The following MPP7 variants were observed in gnomAD, a reference collection of about 807,000 sequenced individuals.
The protein encoded by MPP7 is MAGUK p55 scaffold protein 7, also known as MAGUK p55 subfamily member 7.
In MPP7, 60 loss-of-function variants were observed where a neutral mutation model predicts 76.5. The ratio of observed to expected loss-of-function variants is 0.78; its 90% CI spans 0.64 to 0.97. The LOEUF (loss-of-function observed/expected upper bound fraction) is 0.97, where lower values mean the gene tolerates loss of function less well. MPP7 is among the 50% of genes least tolerant of loss of function. MPP7 has a pLI of 0.00. For synonymous variants in MPP7, 237 were observed against 244.5 expected, an observed-to-expected ratio of 0.97 and a Z score of 0.29; for missense variants, 641 against 694.0, an observed-to-expected ratio of 0.92 and a Z score of 0.86.
At chr10:28,091,329 C>A in intron 11 of MPP7, among the ~76,000 whole-genome samples, 1 of 142,926 alleles carries the variant, frequency 7.0e-6, no homozygotes, top group Admixed American at 7.3e-5. Flanking sequence ...CTCTTGTTGT[C>A]CAGGCTAGAG....
At chr10:28,256,144 AT>A (rs1324814766) in intron 1 of MPP7, among the ~76,000 whole-genome samples, 2 of 152,076 alleles carry the variant, frequency 1.3e-5, no homozygotes, top group African/African-American at 2.4e-5. Flanking sequence ...TGGAGAGGGA[AT>A]TTCTAGATAG....
intron 7 of MPP7, 26 bp from the exon 8 acceptor site, chr10:28,124,142 T>A: frequency 6.7e-7 from 1 of 1,485,942 alleles, no homozygotes; most frequent in Non-Finnish European, 9.4e-7. Flanking sequence ...TTTGGTAAAT[T>A]AGCAGTGTTA....
At chr10:28,321,995 C>T (rs1364723143) in intron 2 of MPP7, among the ~76,000 whole-genome samples, 1 of 141,490 alleles carries the variant, frequency 7.1e-6, no homozygotes, top group East Asian at 2.0e-4. Context: ...GTGTGTTTAG[C>T]TGTACAGATA....
At chr10:28,079,793 T>G (rs1342001711) in intron 12 of MPP7, among the ~76,000 whole-genome samples, 5 of 152,114 alleles carry the variant, frequency 3.3e-5, no homozygotes, top group Non-Finnish European at 5.9e-5. Flanking sequence ...AAATAATTAC[T>G]GAAATCAATG....
chr10:28,237,548 T>G (rs1462226644), intron 2 of MPP7, among the ~76,000 whole-genome samples: 2 of 152,152 alleles, frequency 1.3e-5, no homozygotes, highest in Non-Finnish European at 2.9e-5. Flanking sequence ...TAGCAAAGAA[T>G]TATATTTGCA....
At chr10:28,075,165 C>T (rs1362779604) in intron 12 of MPP7, among the ~76,000 whole-genome samples, 4 of 152,094 alleles carry the variant, frequency 2.6e-5, no homozygotes, top group Non-Finnish European at 5.9e-5. Context: ...CTCACTATCA[C>T]GACACAGTAC....
chr10:28,054,304 C>T (rs1851467639), intron 16 of MPP7, 60 bp from the exon 17 acceptor site: 1 of 941,574 alleles, frequency 1.1e-6, no homozygotes, highest in Admixed American at 2.5e-5. Flanking sequence ...CACTTCATAT[C>T]AATGCAAACA....
At chr10:28,110,423 G>A (rs1163731296) in intron 11 of MPP7, among the ~76,000 whole-genome samples, 2 of 152,084 alleles carry the variant, frequency 1.3e-5, no homozygotes, top group Admixed American at 6.5e-5. Flanking sequence ...GATGCCACCT[G>A]ATCCCCCAAA....
chr10:28,296,622 A>G (rs1022048609), intron 1 of MPP7, among the ~76,000 whole-genome samples: 1 of 152,238 alleles, frequency 6.6e-6, no homozygotes, highest in African/African-American at 2.4e-5. Context: ...CAAGCAACCC[A>G]ATCAGTAATA....
chr10:28,152,720 T>C (rs936908352), intron 3 of MPP7, among the ~76,000 whole-genome samples: 2 of 152,188 alleles, frequency 1.3e-5, no homozygotes, highest in African/African-American at 4.8e-5. Context: ...GAACATGACA[T>C]AACTTTATGC....
At chr10:28,138,158 T>C (rs1374965903) in intron 5 of MPP7, among the ~76,000 whole-genome samples, 1 of 152,230 alleles carries the variant, frequency 6.6e-6, no homozygotes, top group African/African-American at 2.4e-5. Flanking sequence ...TAAATTATAA[T>C]GCCATATTCT....
intron 2 of MPP7, among the ~76,000 whole-genome samples, chr10:28,230,557 T>C (rs1838846137): frequency 6.6e-6 from 1 of 152,210 alleles, no homozygotes; most frequent in South Asian, 2.1e-4. Context: ...CTCACGCCTG[T>C]AATCCCAGCA....
intron 2 of MPP7, among the ~76,000 whole-genome samples, chr10:28,308,708 G>T (rs1371047345): frequency 6.6e-6 from 1 of 151,896 alleles, no homozygotes; most frequent in African/African-American, 2.4e-5. Context: ...AGCCCAGGAG[G>T]TTGAGGCTGC....
intron 2 of MPP7, among the ~76,000 whole-genome samples, chr10:28,224,512 C>T (rs1026407440): frequency 6.6e-6 from 1 of 152,192 alleles, no homozygotes; most frequent in Admixed American, 6.5e-5. Context: ...ATCCATTCTA[C>T]ATTCTATGAA....
intron 2 of MPP7, among the ~76,000 whole-genome samples, chr10:28,226,388 A>T (rs1838692478): frequency 6.6e-6 from 1 of 152,060 alleles, no homozygotes; most frequent in Non-Finnish European, 1.5e-5. Flanking sequence ...CTGGAATTAG[A>T]GGGGCACACC....
chr10:28,126,653 T>C (rs1202394648), intron 6 of MPP7, among the ~76,000 whole-genome samples: 1 of 152,230 alleles, frequency 6.6e-6, no homozygotes, highest in Non-Finnish European at 1.5e-5. Flanking sequence ...ATGAGTTCAT[T>C]ACTCTTGGGG....
At chr10:28,271,868 G>A (rs983906884) in intron 1 of MPP7, among the ~76,000 whole-genome samples, 4 of 152,054 alleles carry the variant, frequency 2.6e-5, no homozygotes, top group African/African-American at 4.8e-5. Context: ...TCAGCTACTC[G>A]GGAGGCTGAG....
intron 11 of MPP7, among the ~76,000 whole-genome samples, chr10:28,090,699 G>A (rs1853254017): frequency 6.6e-6 from 1 of 152,148 alleles, no homozygotes. Context: ...CAGTCAGGCT[G>A]ACAGAACAAA....
In MPP7 at chr10:28,052,208, C is replaced by T. The variant is rs944551965; in HGVS notation, c.*1857G>A. On this transcript the variant is annotated 3_prime_UTR_variant, in exon 17 of 17. Coordinates refer to ENST00000683449, the MANE Select transcript of MPP7 (RefSeq NM_001318170.2). The stretch of plus-strand genomic sequence containing the variant: ...ATTGCCTGAATTATTACATATGTCC[C>T]ATCATTCTTTGTACAAGAAGTCTTG... 8.5e-5 allele frequency: 13 copies of T among 152,250 alleles called. No individual in the cohort carries two copies. Among genetic ancestry groups the T allele is most frequent in the African/African-American group, 2.9e-4 (12 of 41,544 alleles). The allele number at this position is 152,250 out of a possible 1,614,324, so 9.4% of individuals were successfully genotyped here. A position where few individuals can be genotyped will look rare whatever the true frequency, so the allele number is the denominator to read the frequency against.
Sources: allele counts gnomAD v4.1 joint callset (sites outside exome capture counted in the v4.1 genomes callset), GRCh38; gene constraint gnomAD v4.1.1; transcripts MANE v1.5; gene names NCBI Gene and HGNC (gene_info 2026-07-23, HGNC 2026-07-21).